RPTOR: variants seen among roughly 807,000 people sequenced by gnomAD.
RPTOR encodes the protein regulatory-associated protein of mTOR.
Under a neutral mutation model 169.9 loss-of-function variants are expected in RPTOR, and 21 were observed. The ratio of observed to expected loss-of-function variants is 0.12; its 90% CI spans 0.09 to 0.18. The LOEUF (loss-of-function observed/expected upper bound fraction) is 0.18. Ranked by LOEUF, RPTOR falls within the 10% of genes least tolerant of loss-of-function variation. The pLI is 1.00. For synonymous variants in RPTOR, 732 were observed against 753.2 expected (o/e 0.97, Z 0.46); for missense variants, 1,133 against 1,855.9 (o/e 0.61, Z 7.16).
intron 7 of RPTOR, among the ~76,000 whole-genome samples, chr17:80,817,607 G>A (rs1598326948): frequency 6.6e-6 from 1 of 152,168 alleles, no homozygotes; most frequent in East Asian, 1.9e-4. Flanking sequence ...AGAGTGATGG[G>A]GCAAATGACA....
At chr17:80,776,246 T>G (rs2143436028) in intron 6 of RPTOR, among the ~76,000 whole-genome samples, 1 of 152,194 alleles carries the variant, frequency 6.6e-6, no homozygotes, top group Non-Finnish European at 1.5e-5. Flanking sequence ...TTTTGGACTA[T>G]TTCTTAGAAT....
intron 1 of RPTOR, among the ~76,000 whole-genome samples, chr17:80,608,272 C>T (rs2065242904): frequency 6.6e-6 from 1 of 152,230 alleles, no homozygotes; most frequent in Admixed American, 6.5e-5. Flanking sequence ...TTTATGATCT[C>T]ATTTCCCTCC....
rs1174458005 is a variant in RPTOR at position 80,708,406 on chromosome 17, T to C, written c.507+407T>C. Among the ~76,000 whole-genome samples, 1 of 152,270 alleles carries C rather than the reference T, an allele frequency of 6.6e-6. No homozygotes were observed. The highest frequency in any genetic ancestry group is 1.9e-4 in the East Asian group (1 of 5,202). ...TGTTTTATATATTCTAAAGGGCTAA[T>C]TCCAAGCTGCCCTGCAGGTGCAGGC... On this transcript the variant is annotated intron_variant, in intron 4 of 33. Transcript: ENST00000306801. This position sits in a 1 kb window ranked among gnomAD's most constrained non-coding sequence, Gnocchi z 4.2.
chr17:80,962,285 CTG>C (rs1441295955), intron 31 of RPTOR, among the ~76,000 whole-genome samples, 174 bp from the exon 32 acceptor site: 3 of 152,224 alleles, frequency 2.0e-5, no homozygotes, highest in Non-Finnish European at 4.4e-5. Flanking sequence ...GGGTGCATGT[CTG>C]GGCCCCACCT....
In RPTOR at chr17:80,861,505, GAA is replaced by G. The variant is rs2067916295; in HGVS notation, c.1509+3606_1509+3607del. On this transcript the variant is annotated intron_variant, in intron 13 of 33. Transcript: ENST00000306801. This position sits in a 1 kb window ranked among gnomAD's most constrained non-coding sequence, Gnocchi z 4.5. ...TATGTAAACAAAGGGTGTTTGGCAG[GAA>G]GTCATTTTGAAACGTGGTTTCTGTC... Among the ~76,000 whole-genome samples, 1 of 150,842 alleles carries G rather than the reference GAA, an allele frequency of 6.6e-6. No homozygotes were observed. Among genetic ancestry groups the G allele is most frequent in the Admixed American group, 6.6e-5 (1 of 15,120 alleles).
chr17:80,857,390 G>C (rs1297892562), intron 12 of RPTOR, among the ~76,000 whole-genome samples: 1 of 151,362 alleles, frequency 6.6e-6, no homozygotes, highest in Non-Finnish European at 1.5e-5. Context: ...ATGCCGTCAC[G>C]GAGAGGTGGC....
chr17:80,548,129 TG>T lies in RPTOR; in HGVS notation c.162+2340del, dbSNP rs1487404451. The stretch of plus-strand genomic sequence containing the variant: ...CAGGGTCTTGCTCTGTCATCCAGGC[TG>T]GAGTACAGTGGTGAGATCACACGGC... On this transcript the variant is annotated intron_variant, in intron 1 of 33. Transcript: ENST00000306801. Among the ~76,000 whole-genome samples the T allele has an allele frequency of 6.5e-4, 92 of 142,180 alleles. No individual in the cohort carries two copies. In the Middle Eastern group the frequency reaches 0.015, roughly 24 times the overall value. 93.3% of individuals were successfully genotyped at this position (142,180 alleles called of 152,430 possible).
At chr17:80,689,197 G>A (rs563961309) in intron 3 of RPTOR, among the ~76,000 whole-genome samples, 1 of 152,316 alleles carries the variant, frequency 6.6e-6, no homozygotes, top group South Asian at 2.1e-4. Context: ...CATCTCCCCA[G>A]ACAGCCAGAA....
rs143977024 is a variant in RPTOR at position 80,690,504 on chromosome 17, G to A, written c.349-17337G>A. On this transcript the variant is annotated intron_variant, in intron 3 of 33. Coordinates refer to ENST00000306801, the MANE Select transcript of RPTOR (RefSeq NM_020761.3). ...TGCCTGTCTCTTTCTGCAGTTGATT[G>A]GTTGAAGAAACTGGATCATGTAGCC... Among the ~76,000 whole-genome samples the A allele has an allele frequency of 4.1e-3, 627 of 152,232 alleles. 3 individuals are homozygous for A. The highest frequency in any genetic ancestry group is 0.014 in the African/African-American group (598 of 41,532).
At chr17:80,756,619 G>A (rs1208736195) in intron 6 of RPTOR, among the ~76,000 whole-genome samples, 1 of 152,070 alleles carries the variant, frequency 6.6e-6, no homozygotes. Flanking sequence ...ACCTTCATAC[G>A]AACCAAAAAT....
At chr17:80,602,567 G>T in intron 1 of RPTOR, 1 of 589,134 alleles carries the variant, frequency 1.7e-6, no homozygotes, top group South Asian at 1.5e-5. Flanking sequence ...CATCCACATT[G>T]ACTGTCTGTA....
intron 2 of RPTOR, among the ~76,000 whole-genome samples, chr17:80,639,200 T>C (rs2065532859): frequency 6.6e-6 from 1 of 151,572 alleles, no homozygotes; most frequent in Non-Finnish European, 1.5e-5. Context: ...TGTTTAAGGC[T>C]ACACAACTAA....
chr17:80,721,585 C>T lies in RPTOR; in HGVS notation c.508-8975C>T, dbSNP rs111404665. On this transcript the variant is annotated intron_variant, in intron 4 of 33. Coordinates refer to ENST00000306801, the MANE Select transcript of RPTOR (RefSeq NM_020761.3). This position sits in a 1 kb window ranked among gnomAD's most constrained non-coding sequence, Gnocchi z 4.7. ...GCATCCTTTGGGCTCTTACCTCAGT[C>T]GGTGGGGCTGGGCAGCTGGGTGTCT... is the stretch of plus-strand genomic sequence containing the variant. Among the ~76,000 whole-genome samples the T allele has an allele frequency of 3.3e-5, 5 of 151,416 alleles. 1 individual carries two copies. Among genetic ancestry groups the T allele is most frequent in the African/African-American group, 9.8e-5 (4 of 40,748 alleles).
chr17:80,746,782 C>T lies in RPTOR; in HGVS notation c.655-7228C>T, dbSNP rs2066580025. ...ATAGTTTCAATTACGGGGTCAATAT[C>T]TTAGGTAGATGCAAAACCAAAACAG... On this transcript the variant is annotated intron_variant, in intron 5 of 33. Coordinates refer to ENST00000306801, the MANE Select transcript of RPTOR (RefSeq NM_020761.3). The surrounding 1 kb of genome is among the most constrained non-coding windows in gnomAD (Gnocchi z 4.5). 6.6e-6 allele frequency among the ~76,000 whole-genome samples: 1 copy of T among 152,072 alleles called. No homozygotes were observed. Among genetic ancestry groups the T allele is most frequent in the Non-Finnish European group, 1.5e-5 (1 of 68,036 alleles).
chr17:80,939,248 A>G (rs1351772244), intron 24 of RPTOR, among the ~76,000 whole-genome samples: 6 of 152,224 alleles, frequency 3.9e-5, no homozygotes, highest in Non-Finnish European at 5.9e-5. Context: ...ACAAGTGGCC[A>G]TCCTCCCGCG....
chr17:80,923,806 G>A, intron 23 of RPTOR, 133 bp downstream of exon 23: 2 of 1,001,868 alleles, frequency 2.0e-6, no homozygotes, highest in Non-Finnish European at 1.4e-6. Context: ...TCCTGGGTCT[G>A]TGGGCCACTC....
intron 3 of RPTOR, among the ~76,000 whole-genome samples, chr17:80,686,874 G>A (rs1770465021): frequency 6.6e-6 from 1 of 152,202 alleles, no homozygotes; most frequent in Non-Finnish European, 1.5e-5. Context: ...AATCTTGAAT[G>A]AGATTTACTT....
At chr17:80,837,896 G>A in intron 9 of RPTOR, 26 bp from the exon 10 acceptor site, 1 of 1,602,876 alleles carries the variant, frequency 6.2e-7, no homozygotes, top group Non-Finnish European at 8.5e-7. Flanking sequence ...ATAATGCTCA[G>A]TGGATTTCCT....
intron 3 of RPTOR, among the ~76,000 whole-genome samples, chr17:80,703,854 T>G (rs1337393612): frequency 6.6e-6 from 1 of 152,228 alleles, no homozygotes; most frequent in Non-Finnish European, 1.5e-5. Flanking sequence ...GTATTTGTTT[T>G]AATTTACATA....
Sources: gnomAD v4.1 joint callset for allele counts (sites outside exome capture counted in the v4.1 genomes callset) on GRCh38, gnomAD v4.1.1 for gene constraint, Gnocchi (gnomAD v3.1) non-coding constraint, MANE v1.5 for transcripts, NCBI Gene and HGNC (gene_info 2026-07-23, HGNC 2026-07-21) for gene names.